UGT1A5: variants seen among roughly 807,000 people sequenced by gnomAD.
UGT1A5 encodes UDP-glucuronosyltransferase 1A5.
In UGT1A5, 29 loss-of-function variants were observed where a neutral mutation model predicts 40.3. That is an observed-to-expected ratio of 0.72 (90% CI 0.54 to 0.98). The LOEUF is 0.98. Among genes scored for constraint, UGT1A5 ranks in the 50% least tolerant of loss-of-function variants. The pLI is 0.00. For missense variants in UGT1A5, 678 were observed against 677.9 expected (o/e 1.00, Z 0.00); for synonymous variants, 257 against 262.5 (o/e 0.98, Z 0.20).
intron 1 of UGT1A5, among the ~76,000 whole-genome samples, chr2:233,715,560 C>G (rs1442494993): frequency 6.6e-6 from 1 of 151,940 alleles, no homozygotes; most frequent in Non-Finnish European, 1.5e-5. Context: ...TTGCTTGAGC[C>G]CAGGAGTCTG....
chr2:233,742,736 T>C (rs1017364884), intron 1 of UGT1A5: 1 of 152,920 alleles, frequency 6.5e-6, no homozygotes, highest in Non-Finnish European at 1.5e-5. Context: ...GATTCAAATG[T>C]CTGACCTCCA....
At chr2:233,767,568 T>C (rs1394271023) in intron 2 of UGT1A5, among the ~76,000 whole-genome samples, 2 of 152,252 alleles carry the variant, frequency 1.3e-5, no homozygotes, top group African/African-American at 4.8e-5. Flanking sequence ...CTTGTTTCAT[T>C]AAGCAAACTT....
chr2:233,742,026 T>C (rs1691848344), intron 1 of UGT1A5: 1 of 151,940 alleles, frequency 6.6e-6, no homozygotes, highest in South Asian at 2.1e-4. Flanking sequence ...CCTAATTTGA[T>C]ATGTCCCAAG....
At chr2:233,758,087 A>T (rs1470307117) in intron 1 of UGT1A5, among the ~76,000 whole-genome samples, 1 of 152,172 alleles carries the variant, frequency 6.6e-6, no homozygotes, top group Non-Finnish European at 1.5e-5. Context: ...TTCCTAGCAT[A>T]GTGACTGCCA....
At chr2:233,761,154 G>A (rs1374366123) in intron 1 of UGT1A5, 1 of 1,614,240 alleles carries the variant, frequency 6.2e-7, no homozygotes, top group East Asian at 2.2e-5. Flanking sequence ...TATCCCAGGT[G>A]TGTATTGGAG....
chr2:233,746,538 T>G (rs575149330), intron 1 of UGT1A5, among the ~76,000 whole-genome samples: 26 of 151,796 alleles, frequency 1.7e-4, no homozygotes, highest in Non-Finnish European at 3.5e-4. Flanking sequence ...GCTGCCCTGC[T>G]GTGTGACTTC....
chr2:233,761,127 C>A lies in UGT1A5; in HGVS notation c.868-5907C>A, dbSNP rs281865418. 1.2e-6 allele frequency: 2 copies of A among 1,614,174 alleles called. No individual in the cohort carries two copies. Among genetic ancestry groups the A allele is most frequent in the South Asian group, 1.1e-5 (1 of 91,074 alleles). On this transcript the variant is annotated intron_variant, in intron 1 of 4. Transcript: ENST00000373414. ...TGGTTTTTGTTGGTGGAATCAACTGCCTTCACCAAAATCCACTATCCCAGG... is the reference window on the plus strand; with the variant it reads ...TGGTTTTTGTTGGTGGAATCAACTGACTTCACCAAAATCCACTATCCCAGG...
In UGT1A5 at chr2:233,757,143, T is replaced by G. The variant is rs1451644825; in HGVS notation, c.868-9891T>G. ...GAGAGGAGGAATGAGCTTGGACAGG[T>G]GGGCTGGGGTCTATCCCAGAGTTTT... On this transcript the variant is annotated intron_variant, in intron 1 of 4. Coordinates refer to ENST00000373414, the MANE Select transcript of UGT1A5 (RefSeq NM_019078.2). 3.3e-5 allele frequency among the ~76,000 whole-genome samples: 5 copies of G among 150,656 alleles called. No individual in the cohort carries two copies. In the East Asian group the frequency reaches 7.9e-4, roughly 24 times the overall value.
intron 4 of UGT1A5, chr2:233,771,715 T>C (rs1700358256): frequency 6.5e-6 from 1 of 152,904 alleles, no homozygotes; most frequent in African/African-American, 2.4e-5. Flanking sequence ...AAGGTTAAAA[T>C]ATTTCTAAAA....
At chr2:233,771,792 C>T (rs974191909) in intron 4 of UGT1A5, among the ~76,000 whole-genome samples, 6 of 151,492 alleles carry the variant, frequency 4.0e-5, no homozygotes, top group Non-Finnish European at 8.8e-5. Context: ...CTCTCCCTCC[C>T]TCCCTCCCTC....
chr2:233,750,148 T>C (rs1694375303), intron 1 of UGT1A5, among the ~76,000 whole-genome samples: 1 of 151,890 alleles, frequency 6.6e-6, no homozygotes, highest in Non-Finnish European at 1.5e-5. Flanking sequence ...TCCTAGAGAC[T>C]TGTTGAATGG....
intron 1 of UGT1A5, among the ~76,000 whole-genome samples, chr2:233,725,047 C>G (rs528406821): frequency 6.8e-6 from 1 of 147,932 alleles, no homozygotes; most frequent in Non-Finnish European, 1.5e-5. Context: ...ACCAGTCAGG[C>G]GTGGCGGCGC....
intron 1 of UGT1A5, among the ~76,000 whole-genome samples, chr2:233,735,342 T>C (rs542444977): frequency 6.6e-6 from 1 of 152,338 alleles, no homozygotes; most frequent in South Asian, 2.1e-4. Context: ...CCCTGCTTTT[T>C]TTTTGCTTTC....
chr2:233,719,086 T>C lies in UGT1A5; in HGVS notation c.867+5228T>C, dbSNP rs374586565. The stretch of plus-strand genomic sequence containing the variant: ...GCTGTTCCATGGACCCAGAAGGAAT[T>C]TGATCGCGTTACGCTGGGCTACACT... On this transcript the variant is annotated intron_variant, in intron 1 of 4. Transcript: ENST00000373414. 69 of 1,614,132 alleles carry C rather than the reference T, an allele frequency of 4.3e-5. No individual in the cohort carries two copies. The highest frequency in any genetic ancestry group is 5.4e-5 in the Non-Finnish European group (64 of 1,180,050).
At chr2:233,758,809 A>G (rs563319079) in intron 1 of UGT1A5, among the ~76,000 whole-genome samples, 28 of 152,366 alleles carry the variant, frequency 1.8e-4, no homozygotes, top group Non-Finnish European at 3.7e-4. Flanking sequence ...TGTATAGTAC[A>G]GCAGTATATC....
At chr2:233,722,110 C>T (rs2125686001) in intron 1 of UGT1A5, 2 of 193,306 alleles carry the variant, frequency 1.0e-5, no homozygotes, top group South Asian at 2.1e-4. Flanking sequence ...AGAGGAAGAG[C>T]TATCATCATC....
chr2:233,719,372 C>T lies in UGT1A5; in HGVS notation c.867+5514C>T, dbSNP rs374656877. 246 of 1,613,844 alleles carry T rather than the reference C, an allele frequency of 1.5e-4. No individual in the cohort carries two copies. In the Middle Eastern group the frequency reaches 2.5e-3, roughly 16 times the overall value. ...TTCCATGTGACTTAGACTTTAAGGG[C>T]ACACAGTGTCCAAATCCTTCCTCCT... is the stretch of plus-strand genomic sequence containing the variant. On this transcript the variant is annotated intron_variant, in intron 1 of 4. Coordinates refer to ENST00000373414, the MANE Select transcript of UGT1A5 (RefSeq NM_019078.2).
chr2:233,715,885 C>G (rs1236861095), intron 1 of UGT1A5, among the ~76,000 whole-genome samples: 4 of 152,204 alleles, frequency 2.6e-5, no homozygotes, highest in African/African-American at 7.2e-5. Flanking sequence ...GTGGCCCCAG[C>G]TACTTGGGAG....
intron 1 of UGT1A5, among the ~76,000 whole-genome samples, chr2:233,736,107 T>G (rs1391401808): frequency 6.6e-6 from 1 of 152,266 alleles, no homozygotes; most frequent in Non-Finnish European, 1.5e-5. Flanking sequence ...AAGAGTGTTT[T>G]CCAACTTGTT....
Sources: allele counts gnomAD v4.1 joint callset (sites outside exome capture counted in the v4.1 genomes callset), GRCh38; gene constraint gnomAD v4.1.1; transcripts MANE v1.5; gene names NCBI Gene and HGNC (gene_info 2026-07-23, HGNC 2026-07-21).